The following FYB1 variants were observed in gnomAD, a reference collection of about 807,000 sequenced individuals.
FYB1 encodes FYN-binding protein 1.
FYB1 carries 41 observed loss-of-function variants against 94.1 expected under a neutral mutation model. The ratio of observed to expected loss-of-function variants is 0.44; its 90% CI spans 0.34 to 0.57. The LOEUF (loss-of-function observed/expected upper bound fraction) is 0.57. FYB1 is among the 20% of genes least tolerant of loss of function. The probability of loss-of-function intolerance (pLI) is 0.02; values close to 1 mark genes in which losing one functional copy is unlikely to be tolerated. For missense variants in FYB1, 1,050 were observed against 976.8 expected (o/e 1.07, Z -1.00); for synonymous variants, 367 against 353.2 (o/e 1.04, Z -0.44).
intron 17 of FYB1, among the ~76,000 whole-genome samples, chr5:39,109,570 C>A (rs1043726013): frequency 1.3e-5 from 2 of 152,064 alleles, no homozygotes; most frequent in African/African-American, 4.8e-5. Flanking sequence ...TACTAGTTTG[C>A]CAGCAAAGCT....
intron 16 of FYB1, among the ~76,000 whole-genome samples, chr5:39,113,415 T>C (rs1739248819): frequency 6.6e-6 from 1 of 152,116 alleles, no homozygotes; most frequent in South Asian, 2.1e-4. Context: ...CTCACATTTA[T>C]AGAGCAGAAC....
At position 39,148,158 on chromosome 5, in the gene FYB1, TATATA is replaced by T. The variant is rs1561175396; in HGVS notation, c.1292+5285_1292+5289del. Among the ~76,000 whole-genome samples the T allele has an allele frequency of 5.0e-3, 26 of 5,190 alleles. 1 individual carries two copies. The highest frequency in any genetic ancestry group is 0.027 in the South Asian group (4 of 146). 3.4% of individuals were successfully genotyped at this position (5,190 alleles called of 152,430 possible). ...ATATGTATATTATATGTATTTTTTATATATATATATATATATATATATATATATAT... is the reference window on the plus strand; with the variant it reads ...ATATGTATATTATATGTATTTTTTATTATATATATATATATATATATATAT... On this transcript the variant is annotated intron_variant, in intron 3 of 18. Coordinates refer to ENST00000512982, the MANE Select transcript of FYB1 (RefSeq NM_001465.6).
intron 5 of FYB1, 50 bp downstream of exon 5, chr5:39,139,183 G>T: frequency 7.1e-7 from 1 of 1,399,294 alleles, no homozygotes; most frequent in South Asian, 1.4e-5. Flanking sequence ...TAATACTTGT[G>T]AAATATTCTG....
At chr5:39,247,089 T>C (rs1358749386) in intron 1 of FYB1, among the ~76,000 whole-genome samples, 1 of 137,892 alleles carries the variant, frequency 7.3e-6, no homozygotes, top group African/African-American at 2.7e-5. Context: ...TATATATATA[T>C]ATATATATAT....
intron 2 of FYB1, among the ~76,000 whole-genome samples, chr5:39,155,647 C>T (rs1459155474): frequency 2.6e-5 from 4 of 152,030 alleles, no homozygotes; most frequent in African/African-American, 4.8e-5. Flanking sequence ...ATAAACAGTA[C>T]ATTTTCTCCT....
Position 39,181,049 on chromosome 5 carries a change from G to A in FYB1, c.1135+20777C>T, listed in dbSNP as rs187270718. Among the ~76,000 whole-genome samples, 33 of 152,292 alleles carry A rather than the reference G, an allele frequency of 2.2e-4. 1 individual carries two copies. In the East Asian group the frequency reaches 6.4e-3, roughly 29 times the overall value. ...TCAAAGGTGTTTTGCTGGGCATACAGGGAAACTTGGGGAAGAGGAGAGCAT... is the reference window on the plus strand; with the variant it reads ...TCAAAGGTGTTTTGCTGGGCATACAAGGAAACTTGGGGAAGAGGAGAGCAT... On this transcript the variant is annotated intron_variant, in intron 2 of 18. Coordinates refer to ENST00000512982, the MANE Select transcript of FYB1 (RefSeq NM_001465.6).
intron 3 of FYB1, among the ~76,000 whole-genome samples, chr5:39,143,404 T>C (rs987054962): frequency 2.7e-5 from 4 of 147,560 alleles, no homozygotes; most frequent in African/African-American, 1.1e-4. Context: ...ACTTCCCTCT[T>C]CCATTTCTCG....
intron 11 of FYB1, 64 bp from the exon 12 acceptor site, chr5:39,126,199 A>G: frequency 2.6e-6 from 4 of 1,539,280 alleles, no homozygotes; most frequent in South Asian, 1.2e-5. Context: ...CATTGTGTGG[A>G]CATTCAGATT....
chr5:39,261,563 G>A (rs992139332), intron 1 of FYB1, among the ~76,000 whole-genome samples: 3 of 151,946 alleles, frequency 2.0e-5, no homozygotes, highest in Admixed American at 1.3e-4. Flanking sequence ...CCTGGCTAAC[G>A]TGGTGAAACC....
chr5:39,155,342 C>G (rs1353040732), intron 2 of FYB1, among the ~76,000 whole-genome samples: 3 of 152,198 alleles, frequency 2.0e-5, no homozygotes, highest in African/African-American at 7.2e-5. Context: ...ACTGCAGACT[C>G]GAGACCCTCT....
At chr5:39,116,144 A>G (rs1231946405) in intron 16 of FYB1, among the ~76,000 whole-genome samples, 1 of 152,206 alleles carries the variant, frequency 6.6e-6, no homozygotes, top group Non-Finnish European at 1.5e-5. Context: ...TTTGATCATA[A>G]GACTTTATCG....
chr5:39,161,564 T>C (rs1275178063), intron 2 of FYB1, among the ~76,000 whole-genome samples: 1 of 151,944 alleles, frequency 6.6e-6, no homozygotes, highest in Non-Finnish European at 1.5e-5. Flanking sequence ...AGATGTTATA[T>C]ATTGGCACAA....
chr5:39,238,915 T>G (rs902678035), intron 1 of FYB1, among the ~76,000 whole-genome samples: 2 of 152,152 alleles, frequency 1.3e-5, no homozygotes, highest in African/African-American at 4.8e-5. Context: ...TTTCTGCACA[T>G]GCCAGTGTGC....
intron 11 of FYB1, among the ~76,000 whole-genome samples, chr5:39,126,796 C>A (rs191769743): frequency 1.3e-5 from 2 of 150,952 alleles, no homozygotes; most frequent in Admixed American, 1.3e-4. Context: ...CAGTGGCTCA[C>A]GCCTGTAATC....
intron 2 of FYB1, among the ~76,000 whole-genome samples, chr5:39,171,253 GCTCT>G (rs1745225260): frequency 6.6e-6 from 1 of 151,796 alleles, no homozygotes; most frequent in African/African-American, 2.4e-5. Context: ...TCGTGCCACT[GCTCT>G]CTAGCCTGGG....
At chr5:39,148,418 T>TTA (rs1561176307) in intron 3 of FYB1, among the ~76,000 whole-genome samples, 6 of 114,968 alleles carry the variant, frequency 5.2e-5, no homozygotes, top group Non-Finnish European at 8.8e-5. Context: ...TTTTTTTTTT[T>TTA]AAAGAAGGAG....
intron 1 of FYB1, among the ~76,000 whole-genome samples, chr5:39,228,024 G>A (rs1750559046): frequency 6.6e-6 from 1 of 152,102 alleles, no homozygotes; most frequent in Non-Finnish European, 1.5e-5. Context: ...CACATATAAA[G>A]CCCAGTGCAT....
At chr5:39,262,721 A>G (rs1341180106) in intron 1 of FYB1, among the ~76,000 whole-genome samples, 1 of 152,246 alleles carries the variant, frequency 6.6e-6, no homozygotes, top group Non-Finnish European at 1.5e-5. Context: ...AGAATTACAC[A>G]GCAATTCAAT....
At chr5:39,259,128 A>G (rs1752106759) in intron 1 of FYB1, among the ~76,000 whole-genome samples, 2 of 152,208 alleles carry the variant, frequency 1.3e-5, no homozygotes, top group Admixed American at 1.3e-4. Context: ...GAGTTGTCAC[A>G]TGGGAGGGTG....
Sources: allele counts gnomAD v4.1 joint callset (sites outside exome capture counted in the v4.1 genomes callset), GRCh38; gene constraint gnomAD v4.1.1; transcripts MANE v1.5; gene names NCBI Gene and HGNC (gene_info 2026-07-23, HGNC 2026-07-21).